ARHGEF10: variants seen among roughly 807,000 people sequenced by gnomAD.
The protein encoded by ARHGEF10 is Rho guanine nucleotide exchange factor 10, also known as Rho guanine nucleotide exchange factor (GEF) 10.
Under a neutral mutation model 147.4 loss-of-function variants are expected in ARHGEF10, and 140 were observed. The observed-to-expected ratio is 0.95, with a 90% CI of 0.83 to 1.09. The LOEUF (loss-of-function observed/expected upper bound fraction) is 1.09. Among genes scored for constraint, ARHGEF10 ranks in the 50% least tolerant of loss-of-function variants. The pLI is 0.00. For synonymous variants in ARHGEF10, 902 were observed against 695.8 expected (o/e 1.30, Z -4.67); for missense variants, 2,222 against 1,752.7 (o/e 1.27, Z -4.78).
chr8:1,887,886 G>A (rs1281740135), intron 11 of ARHGEF10, among the ~76,000 whole-genome samples: 3 of 149,996 alleles, frequency 2.0e-5, no homozygotes, highest in Admixed American at 1.3e-4. Flanking sequence ...ACCAAGTGCC[G>A]TGAGAGTTGC....
chr8:1,826,782 C>G (rs17064294), intron 1 of ARHGEF10, among the ~76,000 whole-genome samples: 7,782 of 152,270 alleles, frequency 0.051, 206 homozygotes, highest in South Asian at 0.096. Context: ...CAAAGAACAG[C>G]TCGGATCTGG....
intron 18 of ARHGEF10, 65 bp from the exon 19 acceptor site, chr8:1,922,899 C>T: frequency 2.6e-6 from 3 of 1,145,866 alleles, no homozygotes; most frequent in Non-Finnish European, 3.9e-6. Context: ...TTTCTTCCCT[C>T]AAGTATTGGA....
chr8:1,833,389 G>A (rs116280452), intron 1 of ARHGEF10, among the ~76,000 whole-genome samples: 63,808 of 144,714 alleles, frequency 0.44, 14,837 homozygotes, highest in Middle Eastern at 0.55. Context: ...CAGGTGCAGC[G>A]ACAGGGGCAG....
Position 1,860,028 on chromosome 8 carries a change from G to C in ARHGEF10, c.325G>C (p.Val109Leu). Residue 109 changes from valine (V) to leucine (L), a missense_variant, in exon 4 of 29, where the codon GTG becomes CTG. Coordinates refer to ENST00000349830, the MANE Select transcript of ARHGEF10 (RefSeq NM_014629.4). The part of the protein sequence containing the change: ...PFQEDQPPTP[V>L]PSAEEENVGL... Reference sequence around the variant, plus strand: ...CCAGGAGGACCAGCCGCCCACCCCCGTGCCCAGCGCTGAGGAGGAGAATGT... The same window carrying C: ...CCAGGAGGACCAGCCGCCCACCCCCCTGCCCAGCGCTGAGGAGGAGAATGT... The C allele has an allele frequency of 6.2e-7, 1 of 1,613,902 alleles. No individual in the cohort carries two copies. The highest frequency in any genetic ancestry group is 8.5e-7 in the Non-Finnish European group (1 of 1,179,978).
At chr8:1,876,031 C>T (rs1370285854) in intron 7 of ARHGEF10, 1 of 163,666 alleles carries the variant, frequency 6.1e-6, no homozygotes, top group Non-Finnish European at 1.3e-5. Flanking sequence ...CTCTAAAAGT[C>T]TTGTTAGTGT....
chr8:1,892,733 G>A (rs1046580368), intron 11 of ARHGEF10, among the ~76,000 whole-genome samples: 1 of 152,076 alleles, frequency 6.6e-6, no homozygotes, highest in African/African-American at 2.4e-5. Context: ...GGTGTGGTGT[G>A]CCCGGGCGTG....
intron 18 of ARHGEF10, 107 bp downstream of exon 18, chr8:1,909,577 T>A (rs997985043): frequency 2.7e-6 from 4 of 1,461,168 alleles, no homozygotes; most frequent in Non-Finnish European, 2.8e-6. Context: ...GTTCAGGGTT[T>A]AACATGGCAA....
chr8:1,872,692 A>G (rs952970080), intron 7 of ARHGEF10, among the ~76,000 whole-genome samples: 1 of 152,222 alleles, frequency 6.6e-6, no homozygotes, highest in African/African-American at 2.4e-5. Flanking sequence ...AAAACTGCTG[A>G]TAGAAGGAAA....
At chr8:1,835,653 C>G (rs374920180) in intron 1 of ARHGEF10, among the ~76,000 whole-genome samples, 2 of 152,214 alleles carry the variant, frequency 1.3e-5, no homozygotes, top group African/African-American at 4.8e-5. Context: ...GCTCCCCTGA[C>G]CTCCTTTTGC....
chr8:1,877,620 G>C (rs1426159721), intron 8 of ARHGEF10, among the ~76,000 whole-genome samples: 2 of 151,338 alleles, frequency 1.3e-5, no homozygotes, highest in Non-Finnish European at 2.9e-5. Context: ...GAGCTGTAAG[G>C]CGTGAATTCT....
rs151013390 is a variant in ARHGEF10, at chr8:1,855,747, G to A, written c.38-2213G>A. 2.7e-3 allele frequency among the ~76,000 whole-genome samples: 416 copies of A among 152,150 alleles called. 4 individuals carry two copies. Among genetic ancestry groups the A allele is most frequent in the African/African-American group, 9.7e-3 (401 of 41,504 alleles). ...ACGGCATTTAGTCGGCATTGTTTCCGCAGCACGTTTATTTGGCAAACATGA... is the reference window on the plus strand; with the variant it reads ...ACGGCATTTAGTCGGCATTGTTTCCACAGCACGTTTATTTGGCAAACATGA... On this transcript the variant is annotated intron_variant, in intron 2 of 28. Transcript: ENST00000349830.
intron 9 of ARHGEF10, among the ~76,000 whole-genome samples, chr8:1,881,441 C>T (rs1410891775): frequency 3.3e-5 from 5 of 152,190 alleles, no homozygotes; most frequent in Admixed American, 6.5e-5. Context: ...AGGACGGAAA[C>T]GCGCAGGCGG....
rs1378582494 is a variant in ARHGEF10, at chr8:1,860,133, C to T, written c.430C>T (p.Pro144Ser). ...AVPSNLPLLL[P>S]AYSSPVIICA... ...GCCCTCCAACCTGCCCCTCCTGCTG[C>T]CCGCCTACTCCAGCCCGGTCATCAT... Residue 144 changes from proline (P) to serine (S), a missense_variant, in exon 4 of 29, where the codon CCC (proline) becomes TCC (serine). Pro to Ser is a moderately conservative substitution (Grantham distance 74). Coordinates refer to ENST00000349830, the MANE Select transcript of ARHGEF10 (RefSeq NM_014629.4). 1.2e-6 allele frequency: 2 copies of T among 1,614,012 alleles called. No individual in the cohort carries two copies. Among genetic ancestry groups the T allele is most frequent in the Non-Finnish European group, 1.7e-6 (2 of 1,180,004 alleles).
intron 10 of ARHGEF10, among the ~76,000 whole-genome samples, chr8:1,884,361 A>T (rs561263250): frequency 4.0e-5 from 6 of 150,166 alleles, no homozygotes; most frequent in Non-Finnish European, 8.9e-5. Context: ...GCGCCACTGC[A>T]CTCCAGCCTG....
intron 10 of ARHGEF10, 93 bp downstream of exon 10, chr8:1,882,842 G>T (rs13277724): frequency 3.1e-6 from 3 of 978,876 alleles, no homozygotes; most frequent in Admixed American, 2.0e-5. Flanking sequence ...GGGCGGCCGC[G>T]CAGGCTCCCA....
intron 18 of ARHGEF10, among the ~76,000 whole-genome samples, chr8:1,916,135 G>C (rs1310789390): frequency 6.6e-6 from 1 of 152,234 alleles, no homozygotes; most frequent in African/African-American, 2.4e-5. Flanking sequence ...GTCCCTAAGT[G>C]TGGACGGCCA....
chr8:1,855,292 A>G (rs1805464742), intron 2 of ARHGEF10, among the ~76,000 whole-genome samples: 1 of 152,226 alleles, frequency 6.6e-6, no homozygotes, highest in East Asian at 1.9e-4. Context: ...AAGAGAGTTG[A>G]CAATATAAAA....
At chr8:1,926,633 G>A in intron 23 of ARHGEF10, 170 bp downstream of exon 23, 1 of 702,978 alleles carries the variant, frequency 1.4e-6, no homozygotes, top group East Asian at 2.7e-5. Flanking sequence ...ATCACTTTTG[G>A]AAAAGATTTA....
intron 6 of ARHGEF10, 124 bp from the exon 7 acceptor site, chr8:1,869,070 A>C (rs1363196469): frequency 3.5e-6 from 3 of 865,160 alleles, no homozygotes; most frequent in South Asian, 2.9e-5. Context: ...TAAAAAAAAA[A>C]CTACCCTTAT....
Sources: gnomAD v4.1 joint callset for allele counts (sites outside exome capture counted in the v4.1 genomes callset) on GRCh38, gnomAD v4.1.1 for gene constraint, MANE v1.5 for transcripts, NCBI Gene and HGNC (gene_info 2026-07-23, HGNC 2026-07-21) for gene names.